Variants in ROBO1 observed in about 807,000 individuals in gnomAD.
ROBO1 encodes the protein roundabout homolog 1.
ROBO1 carries 149 observed loss-of-function variants against 195.9 expected under a neutral mutation model. That is an observed-to-expected ratio of 0.76 (90% CI 0.67 to 0.87). The LOEUF is 0.87. Ranked by LOEUF, ROBO1 falls within the 40% of genes least tolerant of loss-of-function variation. The pLI, the probability that ROBO1 is intolerant of heterozygous loss-of-function variation, is 0.00. For synonymous variants in ROBO1, 816 were observed against 733.2 expected (o/e 1.11, Z -1.82); for missense variants, 1,933 against 2,068.3 (o/e 0.93, Z 1.27).
At chr3:79,386,006 GAAA>G (rs2036728815) in intron 2 of ROBO1, among the ~76,000 whole-genome samples, 1 of 151,946 alleles carries the variant, frequency 6.6e-6, no homozygotes, top group South Asian at 2.1e-4. Flanking sequence ...ATAATTTTGG[GAAA>G]ATAACGTAAA....
In ROBO1 at chr3:79,661,345, C is replaced by A. The variant is rs72893954; in HGVS notation, c.-50-71384G>T. 7.4e-3 allele frequency among the ~76,000 whole-genome samples: 1,123 copies of A among 152,168 alleles called. 13 individuals carry two copies. The highest frequency in any genetic ancestry group is 0.026 in the African/African-American group (1,061 of 41,548). ...ACACCTTAATAAGCAACTTGCATGC[C>A]TATTCTGACTCAGGGTCAGCTTCCG... On this transcript the variant is annotated intron_variant, in intron 1 of 30. Coordinates refer to ENST00000464233, the MANE Select transcript of ROBO1 (RefSeq NM_002941.4).
chr3:79,569,798 G>T (rs1943219491), intron 2 of ROBO1, among the ~76,000 whole-genome samples: 1 of 151,882 alleles, frequency 6.6e-6, no homozygotes. Flanking sequence ...GAGGTAAACT[G>T]AAAGATAATG....
At chr3:79,398,091 T>A (rs1201145615) in intron 2 of ROBO1, among the ~76,000 whole-genome samples, 1 of 152,168 alleles carries the variant, frequency 6.6e-6, no homozygotes, top group African/African-American at 2.4e-5. Flanking sequence ...ACAAGATTTT[T>A]AAAACTTTTT....
chr3:79,506,343 T>G lies in ROBO1; in HGVS notation c.88+83481A>C, dbSNP rs368347271. 6.6e-5 allele frequency among the ~76,000 whole-genome samples: 10 copies of G among 152,150 alleles called. No homozygotes were observed. The East Asian group carries it at 1.4e-3, about 21-fold the overall frequency. ...CGGGGTGAATAGAAGTAAGAGATAA[T>G]GAAATGACAAATAATTAGAATTTAT... On this transcript the variant is annotated intron_variant, in intron 2 of 30. Transcript: ENST00000464233.
intron 2 of ROBO1, among the ~76,000 whole-genome samples, chr3:79,430,808 T>C (rs965878883): frequency 1.9e-4 from 29 of 152,172 alleles, no homozygotes; most frequent in African/African-American, 7.0e-4. Flanking sequence ...CTTATTCAGT[T>C]AAAATGAGAT....
chr3:78,882,471 T>C (rs1443669633), intron 4 of ROBO1, among the ~76,000 whole-genome samples: 1 of 152,224 alleles, frequency 6.6e-6, no homozygotes, highest in Non-Finnish European at 1.5e-5. Flanking sequence ...CACCCTTTCC[T>C]ACTTCAAAAT....
chr3:79,523,647 T>G (rs1291140999), intron 2 of ROBO1, among the ~76,000 whole-genome samples: 1 of 151,974 alleles, frequency 6.6e-6, no homozygotes, highest in Non-Finnish European at 1.5e-5. Context: ...TAATTTTTTC[T>G]ATTTTTAGTA....
chr3:79,054,497 A>G (rs1159209710), intron 3 of ROBO1, among the ~76,000 whole-genome samples: 2 of 152,124 alleles, frequency 1.3e-5, no homozygotes, highest in Non-Finnish European at 2.9e-5. Context: ...TGTTACCTGC[A>G]TATATTAAAG....
chr3:79,268,430 T>A (rs550614995), intron 2 of ROBO1, among the ~76,000 whole-genome samples: 31 of 151,782 alleles, frequency 2.0e-4, no homozygotes, highest in African/African-American at 7.5e-4. Flanking sequence ...CCCCTTTCTG[T>A]ATCTTTCACC....
At position 79,589,945 on chromosome 3, in the gene ROBO1, G is replaced by T; in HGVS notation, c.-34C>A. 1 of 1,443,486 alleles carries T rather than the reference G, an allele frequency of 6.9e-7. No homozygotes were observed. Among genetic ancestry groups the T allele is most frequent in the Non-Finnish European group, 9.7e-7 (1 of 1,026,746 alleles). The allele number at this position is 1,443,486 out of a possible 1,614,324, so 89.4% of individuals were successfully genotyped here. A position where few individuals can be genotyped will look rare whatever the true frequency, so the allele number is the denominator to read the frequency against. On this transcript the variant is annotated 5_prime_UTR_variant, in exon 2 of 31. Coordinates refer to ENST00000464233, the MANE Select transcript of ROBO1 (RefSeq NM_002941.4). ...CTTCCTTGCATTACAACCAGCCAGT[G>T]ACAGACAATGTGTTATCTGGGGAGA... is the stretch of plus-strand genomic sequence containing the variant.
At position 79,703,282 on chromosome 3, in the gene ROBO1, T is replaced by A. The variant is rs547512006; in HGVS notation, c.-51+64470A>T. ...TATCCATTTTTTAGAACAGAATACA[T>A]CCTTCTTTTCATTTTAATTATAATT... On this transcript the variant is annotated intron_variant, in intron 1 of 30. Transcript: ENST00000464233. 2.0e-5 allele frequency among the ~76,000 whole-genome samples: 3 copies of A among 151,870 alleles called. No homozygotes were observed. The South Asian group carries it at 6.2e-4, about 32-fold the overall frequency.
chr3:79,239,353 A>C (rs778750597), intron 2 of ROBO1, among the ~76,000 whole-genome samples: 1 of 152,246 alleles, frequency 6.6e-6, no homozygotes. Context: ...TGAATGGATT[A>C]GTGAAAAATA....
At chr3:79,527,941 G>C (rs1178608782) in intron 2 of ROBO1, 2 of 152,304 alleles carry the variant, frequency 1.3e-5, no homozygotes, top group African/African-American at 4.8e-5. Context: ...AAATAATCGG[G>C]CCCCTCTACA....
intron 1 of ROBO1, among the ~76,000 whole-genome samples, chr3:79,750,134 G>A (rs1397028331): frequency 6.6e-6 from 1 of 152,254 alleles, no homozygotes; most frequent in Non-Finnish European, 1.5e-5. Context: ...GTGAGGCATG[G>A]AGTCAAAGGA....
chr3:79,021,882 G>T (rs1370953177), intron 3 of ROBO1, among the ~76,000 whole-genome samples: 1 of 152,042 alleles, frequency 6.6e-6, no homozygotes, highest in African/African-American at 2.4e-5. Context: ...GGTTGGTCTC[G>T]ATCTCCTGAC....
chr3:79,516,687 C>T (rs1488391411), intron 2 of ROBO1, among the ~76,000 whole-genome samples: 2 of 152,064 alleles, frequency 1.3e-5, no homozygotes, highest in Admixed American at 6.6e-5. Context: ...TTTCTAAAAG[C>T]TGCATGCTAT....
intron 1 of ROBO1, among the ~76,000 whole-genome samples, chr3:79,664,265 TA>T (rs1946411695): frequency 6.6e-6 from 1 of 152,074 alleles, no homozygotes; most frequent in African/African-American, 2.4e-5. Context: ...CTGAATAATC[TA>T]AATCATATTG....
At chr3:79,681,359 A>AT (rs1036326410) in intron 1 of ROBO1, among the ~76,000 whole-genome samples, 5 of 151,880 alleles carry the variant, frequency 3.3e-5, no homozygotes, top group African/African-American at 1.2e-4. Flanking sequence ...GAAAATCCAG[A>AT]TTTTGGCCCT....
At chr3:78,826,960 T>C (rs1014656115) in intron 4 of ROBO1, among the ~76,000 whole-genome samples, 4 of 152,168 alleles carry the variant, frequency 2.6e-5, no homozygotes, top group East Asian at 1.9e-4. Context: ...TGTTTTAACA[T>C]ATGATTTTGC....
Sources: gnomAD v4.1 joint callset for allele counts (sites outside exome capture counted in the v4.1 genomes callset) on GRCh38, gnomAD v4.1.1 for gene constraint, MANE v1.5 for transcripts, NCBI Gene and HGNC (gene_info 2026-07-23, HGNC 2026-07-21) for gene names.